MAML3: variants seen among roughly 807,000 people sequenced by gnomAD.
MAML3 encodes mastermind like transcriptional coactivator 3, also known as mastermind-like protein 3.
Under a neutral mutation model 101.9 loss-of-function variants are expected in MAML3, and 27 were observed. The observed-to-expected ratio is 0.27, with a 90% confidence interval of 0.20 to 0.37. The LOEUF (loss-of-function observed/expected upper bound fraction) is 0.37, where lower values mean the gene tolerates loss of function less well. Ranked by LOEUF, MAML3 falls within the 10% of genes least tolerant of loss-of-function variation. MAML3 has a pLI of 1.00. For missense variants in MAML3, 1,316 were observed against 1,444.9 expected, an observed-to-expected ratio of 0.91 and a Z score of 1.45; for synonymous variants, 501 against 555.9, an observed-to-expected ratio of 0.90 and a Z score of 1.39.
At chr4:140,144,819 C>T (rs1660919178) in intron 1 of MAML3, among the ~76,000 whole-genome samples, 1 of 152,212 alleles carries the variant, frequency 6.6e-6, no homozygotes, top group Non-Finnish European at 1.5e-5. Flanking sequence ...ACATGTCTCT[C>T]TCCTCTGATA....
intron 1 of MAML3, among the ~76,000 whole-genome samples, chr4:140,144,527 C>T (rs1448823479): frequency 7.0e-6 from 1 of 143,098 alleles, no homozygotes; most frequent in Non-Finnish European, 1.5e-5. Flanking sequence ...GAGACCCTGT[C>T]TCCGAAAAAA....
chr4:140,092,519 A>T (rs1728077741), intron 1 of MAML3, among the ~76,000 whole-genome samples: 1 of 151,942 alleles, frequency 6.6e-6, no homozygotes, highest in African/African-American at 2.4e-5. Flanking sequence ...GCCGCTCCTG[A>T]TCCCGGAGGC....
At chr4:139,725,905 C>G (rs1002168861) in intron 3 of MAML3, 70 bp from the exon 4 acceptor site, 2 of 1,295,938 alleles carry the variant, frequency 1.5e-6, no homozygotes, top group Non-Finnish European at 2.2e-6. Flanking sequence ...AATATCCCAG[C>G]AGTTCCGAGG....
intron 1 of MAML3, among the ~76,000 whole-genome samples, chr4:140,021,890 T>A (rs567508605): frequency 2.6e-5 from 4 of 152,312 alleles, no homozygotes; most frequent in South Asian, 2.1e-4. Flanking sequence ...CAAATACCTA[T>A]TAGCACTTTT....
chr4:140,119,372 C>T (rs1299212080), intron 1 of MAML3, among the ~76,000 whole-genome samples: 1 of 152,152 alleles, frequency 6.6e-6, no homozygotes, highest in Admixed American at 6.6e-5. Context: ...AGACAGAAAT[C>T]AACTTAATTT....
intron 1 of MAML3, among the ~76,000 whole-genome samples, chr4:139,942,896 G>T (rs903534903): frequency 1.6e-4 from 24 of 152,012 alleles, no homozygotes; most frequent in Admixed American, 6.5e-4. Flanking sequence ...AACATTTTCT[G>T]CTCTGTTCTA....
chr4:139,935,950 T>G (rs1414665906), intron 1 of MAML3, among the ~76,000 whole-genome samples: 1 of 152,212 alleles, frequency 6.6e-6, no homozygotes, highest in Non-Finnish European at 1.5e-5. Flanking sequence ...TTACTGACTG[T>G]AGTTACCATA....
intron 2 of MAML3, among the ~76,000 whole-genome samples, chr4:139,780,319 G>T (rs937170983): frequency 1.3e-5 from 2 of 152,084 alleles, no homozygotes; most frequent in Non-Finnish European, 2.9e-5. Context: ...TTACCTTTGC[G>T]GTAAAGAAGA....
chr4:140,082,182 CTT>C (rs1281507311), intron 1 of MAML3, among the ~76,000 whole-genome samples: 1 of 152,200 alleles, frequency 6.6e-6, no homozygotes, highest in Non-Finnish European at 1.5e-5. Flanking sequence ...CCTTGTGCCT[CTT>C]TCACAGTCAA....
intron 1 of MAML3, among the ~76,000 whole-genome samples, chr4:139,939,439 T>C (rs1446993301): frequency 6.6e-6 from 1 of 152,124 alleles, no homozygotes; most frequent in Non-Finnish European, 1.5e-5. Context: ...ACCATGTCTC[T>C]TTCTGCCTAC....
At chr4:139,872,475 T>C (rs1214179542) in intron 2 of MAML3, among the ~76,000 whole-genome samples, 1 of 152,148 alleles carries the variant, frequency 6.6e-6, no homozygotes, top group Admixed American at 6.5e-5. Flanking sequence ...GCATAGGGCA[T>C]AGAGAGCTTT....
At chr4:140,147,277 A>T (rs1449309629) in intron 1 of MAML3, among the ~76,000 whole-genome samples, 1 of 152,212 alleles carries the variant, frequency 6.6e-6, no homozygotes, top group Non-Finnish European at 1.5e-5. Context: ...CACTATGGAC[A>T]ATGTACCAAT....
chr4:139,766,173 T>C (rs1170370526), intron 2 of MAML3, among the ~76,000 whole-genome samples: 2 of 87,478 alleles, frequency 2.3e-5, no homozygotes, highest in African/African-American at 8.8e-5. Context: ...GTCTTTCTTT[T>C]TGGGGGGTGG....
rs1387057930 is a variant in MAML3 at position 139,889,376 on chromosome 4, G to A, written c.2060C>T (p.Ala687Val). The stretch of plus-strand genomic sequence containing the variant: ...ACTTACCTGACCGTGGGATGGAAGT[G>A]CAGCGTAAGCCATGGGCTGATTCAT... The part of the protein sequence containing the change: ...GVMNQPMAYA[A>V]LPSHGQEQHP... Residue 687 changes from alanine (A) to valine (V), a missense_variant, in exon 2 of 5, where the codon GCA becomes GTA. Transcript: ENST00000509479. The A allele has an allele frequency of 6.2e-7, 1 of 1,614,030 alleles. No homozygotes were observed. Among genetic ancestry groups the A allele is most frequent in the Non-Finnish European group, 8.5e-7 (1 of 1,179,890 alleles).
intron 1 of MAML3, among the ~76,000 whole-genome samples, chr4:139,972,635 C>T (rs1401390515): frequency 2.0e-5 from 3 of 152,072 alleles, no homozygotes. Context: ...TGGCAATGTT[C>T]CATATCATAA....
At chr4:140,151,362 T>C (rs977794808) in intron 1 of MAML3, among the ~76,000 whole-genome samples, 1 of 151,552 alleles carries the variant, frequency 6.6e-6, no homozygotes, top group African/African-American at 2.4e-5. Context: ...GATAAACAAA[T>C]TGTTCCTCTT....
chr4:140,032,033 A>G (rs1337576430), intron 1 of MAML3, among the ~76,000 whole-genome samples: 1 of 152,194 alleles, frequency 6.6e-6, no homozygotes, highest in East Asian at 1.9e-4. Context: ...AAATAAATCA[A>G]AATTTTTCCA....
At chr4:140,132,287 G>A (rs1311431687) in intron 1 of MAML3, among the ~76,000 whole-genome samples, 1 of 152,228 alleles carries the variant, frequency 6.6e-6, no homozygotes, top group Non-Finnish European at 1.5e-5. Context: ...AAAAAGGGAA[G>A]TTCTTATTAG....
chr4:139,801,650 GTGT>G (rs1560798559), intron 2 of MAML3, among the ~76,000 whole-genome samples: 36 of 17,156 alleles, frequency 2.1e-3, no homozygotes, highest in African/African-American at 4.7e-3. Flanking sequence ...GTGGGTGTGT[GTGT>G]GTGTGTGTGT....
Sources: gnomAD v4.1 joint callset for allele counts (sites outside exome capture counted in the v4.1 genomes callset) on GRCh38, gnomAD v4.1.1 for gene constraint, MANE v1.5 for transcripts, NCBI Gene and HGNC (gene_info 2026-07-23, HGNC 2026-07-21) for gene names.